MTFR1: variants seen among roughly 807,000 people sequenced by gnomAD.
MTFR1 encodes the protein chondrocyte protein with a poly-proline region.
In MTFR1, 28 loss-of-function variants were observed where a neutral mutation model predicts 38.8. The observed-to-expected ratio is 0.72, with a 90% CI of 0.53 to 0.99. The LOEUF is 0.99. Ranked by LOEUF, MTFR1 falls within the 50% of genes least tolerant of loss-of-function variation. The pLI is 0.00. For missense variants in MTFR1, 358 were observed against 395.5 expected, an observed-to-expected ratio of 0.91 and a Z score of 0.81; for synonymous variants, 145 against 137.0, an observed-to-expected ratio of 1.06 and a Z score of -0.41.
chr8:65,653,208 A>T lies in MTFR1; in HGVS notation c.-81+8424A>T, dbSNP rs1264722458. ...ATGAGGCTAAGTTTATTTAATTTTT[A>T]AAAAATGAGTTTATTTAAGATCGAG... On this transcript the variant is annotated intron_variant, in intron 1 of 7. Coordinates refer to ENST00000262146, the MANE Select transcript of MTFR1 (RefSeq NM_014637.4). Among the ~76,000 whole-genome samples the T allele has an allele frequency of 3.9e-5, 6 of 152,202 alleles. No individual in the cohort carries two copies. The South Asian group carries it at 8.3e-4, about 21-fold the overall frequency.
chr8:65,745,088 A>G (rs1425172327), intron 3 of MTFR1, among the ~76,000 whole-genome samples: 1 of 152,146 alleles, frequency 6.6e-6, no homozygotes, highest in Non-Finnish European at 1.5e-5. Context: ...AGATCTGATG[A>G]TTTCATAAGG....
At chr8:65,677,100 G>A (rs1804731632) in intron 2 of MTFR1, among the ~76,000 whole-genome samples, 1 of 123,312 alleles carries the variant, frequency 8.1e-6, no homozygotes, top group South Asian at 2.6e-4. Context: ...TTGAGACAGA[G>A]TCTCGCTCTG....
At chr8:65,737,467 G>C (rs1465524394) in intron 3 of MTFR1, among the ~76,000 whole-genome samples, 1 of 152,118 alleles carries the variant, frequency 6.6e-6, no homozygotes, top group Non-Finnish European at 1.5e-5. Context: ...TGTTTACCTA[G>C]ATAAAGCAGT....
chr8:65,731,963 T>A (rs1806906349), intron 3 of MTFR1, among the ~76,000 whole-genome samples: 1 of 151,322 alleles, frequency 6.6e-6, no homozygotes, highest in South Asian at 2.1e-4. Flanking sequence ...CTGGTCATTC[T>A]CTATATTATT....
At chr8:65,710,575 C>CATT (rs1805915799), downstream of MTFR1, 1 of 152,372 alleles carries the variant, frequency 6.6e-6, no homozygotes, top group African/African-American at 2.4e-5. Context: ...ATAGTGCTTC[C>CATT]ATTTTTTCTT....
At chr8:65,777,804 A>G in the MTFR1 span, among the ~76,000 whole-genome samples, 3 of 151,716 alleles carry the variant, frequency 2.0e-5, no homozygotes, top group African/African-American at 7.3e-5. Flanking sequence ...ATACTCCACT[A>G]CCCCTCATTA....
intron 3 of MTFR1, among the ~76,000 whole-genome samples, chr8:65,759,462 C>A (rs1462138206): frequency 6.6e-6 from 1 of 152,148 alleles, no homozygotes; most frequent in Non-Finnish European, 1.5e-5. Flanking sequence ...TGGGCCATAT[C>A]CCCACAGGCC....
intron 1 of MTFR1, among the ~76,000 whole-genome samples, chr8:65,669,005 A>C (rs1333238795): frequency 6.6e-6 from 1 of 152,224 alleles, no homozygotes; most frequent in Non-Finnish European, 1.5e-5. Context: ...TTATGGTGCT[A>C]GTGAATATTA....
downstream of MTFR1, among the ~76,000 whole-genome samples, chr8:65,711,550 C>G (rs1268453550): frequency 2.0e-5 from 3 of 152,142 alleles, no homozygotes; most frequent in African/African-American, 7.2e-5. Context: ...GTTCCTGTTT[C>G]TGTGTCCTCT....
chr8:65,682,799 C>T (rs1804942437), intron 3 of MTFR1: 19 of 985,072 alleles, frequency 1.9e-5, no homozygotes, highest in Non-Finnish European at 2.3e-5. Flanking sequence ...GTAATTATAC[C>T]TTCCTCTTTG....
downstream of MTFR1, among the ~76,000 whole-genome samples, chr8:65,773,020 T>C (rs1488617433): frequency 2.0e-5 from 3 of 151,734 alleles, no homozygotes; most frequent in African/African-American, 7.3e-5. Flanking sequence ...AAAAAAAAAT[T>C]AAGAAAAAGT....
chr8:65,719,190 G>T, intron 2 of MTFR1: 1 of 766,868 alleles, frequency 1.3e-6, no homozygotes, highest in Non-Finnish European at 2.3e-6. Flanking sequence ...TCACTCACTT[G>T]GAAACCTTGG....
chr8:65,651,369 A>G (rs1435798929), intron 1 of MTFR1, among the ~76,000 whole-genome samples: 2 of 152,190 alleles, frequency 1.3e-5, no homozygotes, highest in Non-Finnish European at 2.9e-5. Flanking sequence ...TCAAGAAATC[A>G]TTGCCCAGAC....
intron 3 of MTFR1, among the ~76,000 whole-genome samples, chr8:65,759,766 T>A (rs1225889132): frequency 6.6e-6 from 1 of 152,140 alleles, no homozygotes; most frequent in Non-Finnish European, 1.5e-5. Flanking sequence ...CCCTCTCTTT[T>A]GCTCAGCCTA....
At chr8:65,697,423 G>C (rs1805479690) in intron 4 of MTFR1, among the ~76,000 whole-genome samples, 1 of 152,148 alleles carries the variant, frequency 6.6e-6, no homozygotes, top group Non-Finnish European at 1.5e-5. Context: ...TTATTCTCTG[G>C]CTATTCATCT....
At chr8:65,665,415 G>A (rs1563437951) in intron 1 of MTFR1, among the ~76,000 whole-genome samples, 1 of 152,088 alleles carries the variant, frequency 6.6e-6, no homozygotes, top group Non-Finnish European at 1.5e-5. Context: ...ATATCTGCCT[G>A]ATTAAAGATA....
chr8:65,710,032 G>A lies in MTFR1; in HGVS notation c.*988G>A, dbSNP rs1805899242. 1 of 152,164 alleles carries A rather than the reference G, an allele frequency of 6.6e-6. No homozygotes were observed. The highest frequency in any genetic ancestry group is 6.5e-5 in the Admixed American group (1 of 15,270). The allele number at this position is 152,164 out of a possible 1,614,324, so 9.4% of individuals were successfully genotyped here. On this transcript the variant is annotated 3_prime_UTR_variant, in exon 8 of 8. Transcript: ENST00000262146. ...ATAAACCATAGGTGTTATTAGAAGT[G>A]GAGAACTGCCTTTTTCATCTGGGGC...
At chr8:65,737,009 G>A (rs1372322047) in intron 3 of MTFR1, among the ~76,000 whole-genome samples, 1 of 150,492 alleles carries the variant, frequency 6.6e-6, no homozygotes, top group African/African-American at 2.4e-5. Context: ...CAGCCTGGAT[G>A]AGGTGGGAGG....
chr8:65,706,907 T>C (rs1805795002), intron 5 of MTFR1, 103 bp from the exon 6 acceptor site: 1 of 1,305,102 alleles, frequency 7.7e-7, no homozygotes. Flanking sequence ...AGAATATTGT[T>C]TTTAGGGGTA....
Sources: allele counts gnomAD v4.1 joint callset (sites outside exome capture counted in the v4.1 genomes callset), GRCh38; gene constraint gnomAD v4.1.1; transcripts MANE v1.5; gene names NCBI Gene and HGNC (gene_info 2026-07-23, HGNC 2026-07-21).